Variants in BRINP3 observed in about 807,000 individuals in gnomAD.
BRINP3 encodes the protein BMP/retinoic acid-inducible neural-specific protein 3.
Under a neutral mutation model 71.0 loss-of-function variants are expected in BRINP3, and 19 were observed. The observed-to-expected ratio is 0.27, with a 90% CI of 0.19 to 0.39. The LOEUF (loss-of-function observed/expected upper bound fraction) is 0.39. Among genes scored for constraint, BRINP3 ranks in the 10% least tolerant of loss-of-function variants. The pLI is 1.00. For missense variants in BRINP3, 959 were observed against 940.8 expected, an observed-to-expected ratio of 1.02 and a Z score of -0.25; for synonymous variants, 380 against 337.7, an observed-to-expected ratio of 1.13 and a Z score of -1.37.
intron 2 of BRINP3, among the ~76,000 whole-genome samples, chr1:190,336,222 A>T (rs955913892): frequency 6.6e-6 from 1 of 152,078 alleles, no homozygotes; most frequent in Non-Finnish European, 1.5e-5. Flanking sequence ...AGTTCTATTT[A>T]ACAATATAAT....
chr1:190,299,425 T>C (rs1379510357), intron 2 of BRINP3, among the ~76,000 whole-genome samples: 1 of 151,162 alleles, frequency 6.6e-6, no homozygotes. Flanking sequence ...AAAACATATA[T>C]ATATTTATTT....
At chr1:190,140,484 T>C (rs571469163) in intron 7 of BRINP3, among the ~76,000 whole-genome samples, 2 of 152,264 alleles carry the variant, frequency 1.3e-5, no homozygotes, top group East Asian at 1.9e-4. Flanking sequence ...CACAGAACTA[T>C]ATTTACACAT....
rs1677260130 is a variant in BRINP3 at position 190,473,222 on chromosome 1, T to C, written c.-51+4226A>G. ...TACAATAAAATTGCTAAGGATTAAA[T>C]GCAAAAGTATTAGGGAATTAGAATT... On this transcript the variant is annotated intron_variant, in intron 1 of 7. Transcript: ENST00000367462. 2.0e-5 allele frequency among the ~76,000 whole-genome samples: 3 copies of C among 152,088 alleles called. No homozygotes were observed. In the South Asian group the frequency reaches 6.2e-4, roughly 32 times the overall value.
intron 2 of BRINP3, among the ~76,000 whole-genome samples, chr1:190,317,094 C>G (rs1439694789): frequency 6.7e-6 from 1 of 149,060 alleles, no homozygotes; most frequent in Non-Finnish European, 1.5e-5. Flanking sequence ...ATCACTTGAA[C>G]CCAGGAGAGG....
intron 7 of BRINP3, among the ~76,000 whole-genome samples, chr1:190,105,706 T>A (rs1225239523): frequency 1.3e-5 from 2 of 152,058 alleles, no homozygotes; most frequent in Non-Finnish European, 2.9e-5. Flanking sequence ...TATTATTTAA[T>A]CTGGTTAAGT....
intron 2 of BRINP3, among the ~76,000 whole-genome samples, chr1:190,353,460 A>T (rs1668530991): frequency 6.6e-6 from 1 of 152,030 alleles, no homozygotes; most frequent in Admixed American, 6.6e-5. Context: ...TGGTTTAATT[A>T]AAATTTGACT....
chr1:190,475,426 C>A (rs949450136), intron 1 of BRINP3, among the ~76,000 whole-genome samples: 10 of 152,164 alleles, frequency 6.6e-5, no homozygotes, highest in Admixed American at 2.6e-4. Context: ...AACCCCCTGG[C>A]GCACCCCACT....
chr1:190,139,850 T>C (rs1427666954), intron 7 of BRINP3, among the ~76,000 whole-genome samples: 1 of 152,224 alleles, frequency 6.6e-6, no homozygotes, highest in Admixed American at 6.5e-5. Flanking sequence ...AAACATGTTT[T>C]GGATACTCAT....
intron 7 of BRINP3, among the ~76,000 whole-genome samples, chr1:190,133,671 A>G (rs1654731873): frequency 6.6e-6 from 1 of 152,148 alleles, no homozygotes; most frequent in Non-Finnish European, 1.5e-5. Context: ...AACATGATGC[A>G]TAATACACTT....
intron 7 of BRINP3, among the ~76,000 whole-genome samples, chr1:190,122,151 A>G (rs1653719182): frequency 6.6e-6 from 1 of 152,154 alleles, no homozygotes; most frequent in African/African-American, 2.4e-5. Context: ...CTCTCTTTTT[A>G]GTATCATTTT....
At chr1:190,244,925 CAT>C (rs1405541925) in intron 4 of BRINP3, among the ~76,000 whole-genome samples, 2 of 152,078 alleles carry the variant, frequency 1.3e-5, no homozygotes, top group East Asian at 1.9e-4. Flanking sequence ...TTTATTTAAA[CAT>C]ATCTTATTGC....
At chr1:190,121,748 A>G (rs1653680642) in intron 7 of BRINP3, among the ~76,000 whole-genome samples, 1 of 152,150 alleles carries the variant, frequency 6.6e-6, no homozygotes, top group African/African-American at 2.4e-5. Context: ...GGAGGAATAG[A>G]AAAGAAAGCA....
chr1:190,129,918 A>G (rs570233551), intron 7 of BRINP3, among the ~76,000 whole-genome samples: 3 of 152,142 alleles, frequency 2.0e-5, no homozygotes, highest in Non-Finnish European at 4.4e-5. Flanking sequence ...AACATTTAAC[A>G]TTCCTATAAG....
At chr1:190,196,385 C>G (rs946351874) in intron 6 of BRINP3, among the ~76,000 whole-genome samples, 2 of 152,148 alleles carry the variant, frequency 1.3e-5, no homozygotes, top group African/African-American at 4.8e-5. Context: ...GTGACATTTA[C>G]TATCTTCCTG....
At chr1:190,219,596 T>G (rs1656696209) in intron 6 of BRINP3, among the ~76,000 whole-genome samples, 1 of 151,910 alleles carries the variant, frequency 6.6e-6, no homozygotes, top group African/African-American at 2.4e-5. Context: ...TCCCAGCACT[T>G]TGGGAGGCCG....
intron 2 of BRINP3, among the ~76,000 whole-genome samples, chr1:190,350,724 T>C (rs1157204059): frequency 1.3e-5 from 2 of 151,918 alleles, no homozygotes; most frequent in Non-Finnish European, 2.9e-5. Flanking sequence ...CCAAATGACA[T>C]AGCAGGCAGG....
At chr1:190,289,211 T>A (rs1663667714) in intron 2 of BRINP3, among the ~76,000 whole-genome samples, 1 of 151,824 alleles carries the variant, frequency 6.6e-6, no homozygotes. Context: ...TTAAAGAAAA[T>A]TTTTCATAAT....
intron 2 of BRINP3, among the ~76,000 whole-genome samples, chr1:190,408,020 T>C (rs1012561617): frequency 1.0e-3 from 2 of 1,950 alleles, no homozygotes; most frequent in African/African-American, 1.4e-3. Context: ...TACATTTGTC[T>C]TTTTTTTTTT....
intron 6 of BRINP3, among the ~76,000 whole-genome samples, chr1:190,192,274 TA>T (rs1654098994): frequency 6.6e-6 from 1 of 152,202 alleles, no homozygotes; most frequent in Admixed American, 6.6e-5. Context: ...TTTAAAGTCC[TA>T]AGCTTCATGT....
Sources: gnomAD v4.1 joint callset for allele counts (sites outside exome capture counted in the v4.1 genomes callset) on GRCh38, gnomAD v4.1.1 for gene constraint, MANE v1.5 for transcripts, NCBI Gene and HGNC (gene_info 2026-07-23, HGNC 2026-07-21) for gene names.